Variants in SDCCAG8 observed in about 807,000 individuals in gnomAD.
The protein encoded by SDCCAG8 is SHH signaling and ciliogenesis regulator SDCCAG8, also known as serologically defined colon cancer antigen 8.
In SDCCAG8, 74 loss-of-function variants were observed where a neutral mutation model predicts 101.8. The observed-to-expected ratio is 0.73, with a 90% CI of 0.60 to 0.88. The LOEUF (loss-of-function observed/expected upper bound fraction) is 0.88. Among genes scored for constraint, SDCCAG8 ranks in the 40% least tolerant of loss-of-function variants. The pLI is 0.00. For missense variants in SDCCAG8, 787 were observed against 822.6 expected, an observed-to-expected ratio of 0.96 and a Z score of 0.53; for synonymous variants, 281 against 292.9, an observed-to-expected ratio of 0.96 and a Z score of 0.41.
chr1:243,316,843 G>T lies in SDCCAG8; in HGVS notation c.1018G>T (p.Val340Leu), dbSNP rs1308863502. The change falls in exon 9 of 18, where the codon GTG (valine) becomes TTG (leucine). Residue 340 changes from valine (V) to leucine (L), a missense_variant. Val to Leu is a conservative substitution (Grantham distance 32). Transcript: ENST00000366541. The part of the protein sequence containing the change: ...QQREASAYEQ[V>L]KQVLQISEEA... Reference sequence around the variant, plus strand: ...AAGAGAAGCAAGTGCTTATGAACAGGTGAAACAAGTTTTGCAAATATCTGA... The same window carrying T: ...AAGAGAAGCAAGTGCTTATGAACAGTTGAAACAAGTTTTGCAAATATCTGA... 55 of 1,614,036 alleles carry T rather than the reference G, an allele frequency of 3.4e-5. No homozygotes were observed. Among genetic ancestry groups the T allele is most frequent in the Admixed American group, 1.5e-4 (9 of 60,004 alleles).
chr1:243,272,309 T>G (rs2068157303), intron 3 of SDCCAG8, among the ~76,000 whole-genome samples: 1 of 152,228 alleles, frequency 6.6e-6, no homozygotes, highest in Non-Finnish European at 1.5e-5. Flanking sequence ...TCTTCACCAC[T>G]GAAATATCAG....
intron 8 of SDCCAG8, among the ~76,000 whole-genome samples, chr1:243,309,995 C>T (rs944007369): frequency 6.6e-6 from 1 of 152,028 alleles, no homozygotes; most frequent in African/African-American, 2.4e-5. Flanking sequence ...TCCCGAGTAG[C>T]TGGGACTATA....
intron 13 of SDCCAG8, among the ~76,000 whole-genome samples, chr1:243,383,022 A>G (rs2147918600): frequency 6.6e-6 from 1 of 152,324 alleles, no homozygotes; most frequent in Admixed American, 6.5e-5. Context: ...GGAGAAGGTC[A>G]TGACTAGAGG....
At chr1:243,351,823 T>G (rs777341507) in intron 12 of SDCCAG8, among the ~76,000 whole-genome samples, 7 of 152,266 alleles carry the variant, frequency 4.6e-5, no homozygotes, top group Non-Finnish European at 1.0e-4. Context: ...TGTGCCAAAT[T>G]ACTTTCTTCA....
chr1:243,484,052 T>C (rs3006922), intron 16 of SDCCAG8, among the ~76,000 whole-genome samples: 37,932 of 152,062 alleles, frequency 0.25, 5,176 homozygotes, highest in East Asian at 0.41. Context: ...AAGCCCCAAG[T>C]TGCATAGCTG....
chr1:243,464,571 T>C (rs1659761845), intron 16 of SDCCAG8, among the ~76,000 whole-genome samples: 1 of 152,252 alleles, frequency 6.6e-6, no homozygotes, highest in Admixed American at 6.5e-5. Flanking sequence ...CACATTGAAC[T>C]ATTTCAAACC....
intron 16 of SDCCAG8, among the ~76,000 whole-genome samples, chr1:243,473,918 C>A (rs59053740): frequency 0.19 from 1,090 of 5,728 alleles, 65 homozygotes; most frequent in African/African-American, 0.4. Flanking sequence ...AGGAGAGTTG[C>A]CGGCGGGGGG....
intron 16 of SDCCAG8, among the ~76,000 whole-genome samples, chr1:243,476,867 A>G (rs923770959): frequency 1.3e-5 from 2 of 152,232 alleles, no homozygotes; most frequent in East Asian, 1.9e-4. Context: ...CTATTAGATC[A>G]ATATGAAATT....
intron 16 of SDCCAG8, among the ~76,000 whole-genome samples, chr1:243,431,070 G>A (rs983273797): frequency 1.6e-4 from 24 of 152,044 alleles, no homozygotes; most frequent in African/African-American, 5.3e-4. Flanking sequence ...GGTGGCGAGC[G>A]CCTGTAATCC....
At chr1:243,350,206 T>C (rs2076004484) in intron 12 of SDCCAG8, among the ~76,000 whole-genome samples, 1 of 152,054 alleles carries the variant, frequency 6.6e-6, no homozygotes, top group South Asian at 2.1e-4. Context: ...AGTCAGTCCT[T>C]TTTTCTTTCT....
intron 10 of SDCCAG8, 35 bp downstream of exon 10, chr1:243,330,727 A>G (rs888821297): frequency 1.9e-6 from 3 of 1,612,428 alleles, no homozygotes; most frequent in Non-Finnish European, 2.5e-6. Context: ...CACATTGCAG[A>G]AGAAAGGTTT....
At chr1:243,267,579 G>A (rs2067725475) in intron 1 of SDCCAG8, 6 of 497,858 alleles carry the variant, frequency 1.2e-5, no homozygotes, top group South Asian at 1.9e-5. Flanking sequence ...TCCAGCCTGG[G>A]CGACAAGAGC....
chr1:243,344,460 C>A, intron 12 of SDCCAG8, 129 bp downstream of exon 12: 1 of 786,332 alleles, frequency 1.3e-6, no homozygotes, highest in Non-Finnish European at 2.1e-6. Flanking sequence ...CCAGTTTACA[C>A]TGTTAGGAAA....
In SDCCAG8 at chr1:243,378,850, C is replaced by T. The variant is rs1288081386; in HGVS notation, c.1603C>T (p.Leu535=). Reference sequence around the variant, plus strand: ...ACTGCTGGGCGAATCTGAGCACCAACTGCACCTCACCAGGTACTCCCTAAT... The same window carrying T: ...ACTGCTGGGCGAATCTGAGCACCAATTGCACCTCACCAGGTACTCCCTAAT... ...TELLGESEHQ[L]HLTRQEKDSI... Residue 535 remains leucine (L), a synonymous_variant, in exon 13 of 18, where the codon CTG becomes TTG. Transcript: ENST00000366541. 3.1e-6 allele frequency: 5 copies of T among 1,613,954 alleles called. No individual in the cohort carries two copies. Among genetic ancestry groups the T allele is most frequent in the Admixed American group, 3.3e-5 (2 of 59,946 alleles).
At chr1:243,482,324 C>A (rs1357198141) in intron 16 of SDCCAG8, among the ~76,000 whole-genome samples, 1 of 152,104 alleles carries the variant, frequency 6.6e-6, no homozygotes, top group Non-Finnish European at 1.5e-5. Flanking sequence ...GCTGTTGGAC[C>A]AATGGAGATC....
At chr1:243,286,768 A>G (rs981318285) in intron 5 of SDCCAG8, among the ~76,000 whole-genome samples, 3 of 152,218 alleles carry the variant, frequency 2.0e-5, no homozygotes, top group Non-Finnish European at 4.4e-5. Flanking sequence ...CTGAAATCTA[A>G]TAAGTCTAAT....
At position 243,393,240 on chromosome 1, in the gene SDCCAG8, CCGGG is replaced by C. The variant is rs1247308449; in HGVS notation, c.1616+14378_1616+14381del. Among the ~76,000 whole-genome samples the C allele has an allele frequency of 4.6e-5, 7 of 152,184 alleles. No individual in the cohort carries two copies. In the East Asian group the frequency reaches 1.4e-3, roughly 29 times the overall value. ...TAGCACTTTGGGGTAAGGATGGTAGCCGGGTGCCAGGTAGGAGGGCAGTGTTAGG... is the reference window on the plus strand; with the variant it reads ...TAGCACTTTGGGGTAAGGATGGTAGCTGCCAGGTAGGAGGGCAGTGTTAGG... On this transcript the variant is annotated intron_variant, in intron 13 of 17. Coordinates refer to ENST00000366541, the MANE Select transcript of SDCCAG8 (RefSeq NM_006642.5).
At chr1:243,395,085 G>T (rs763345299) in intron 13 of SDCCAG8, among the ~76,000 whole-genome samples, 1 of 152,006 alleles carries the variant, frequency 6.6e-6, no homozygotes, top group Non-Finnish European at 1.5e-5. Context: ...TCGCATTTAC[G>T]TGTCTGTGTG....
chr1:243,278,558 A>G (rs1159942183), intron 4 of SDCCAG8, among the ~76,000 whole-genome samples: 1 of 152,122 alleles, frequency 6.6e-6, no homozygotes, highest in African/African-American at 2.4e-5. Flanking sequence ...TATGTATTTA[A>G]TTTCAAATTC....
Sources: gnomAD v4.1 joint callset for allele counts (sites outside exome capture counted in the v4.1 genomes callset) on GRCh38, gnomAD v4.1.1 for gene constraint, MANE v1.5 for transcripts, NCBI Gene and HGNC (gene_info 2026-07-23, HGNC 2026-07-21) for gene names.